The following SYT17 variants were observed in gnomAD, a reference collection of about 807,000 sequenced individuals.
SYT17 encodes the protein synaptotagmin-17.
In SYT17, 22 loss-of-function variants were observed where a neutral mutation model predicts 46.7. The ratio of observed to expected loss-of-function variants is 0.47; its 90% CI spans 0.34 to 0.67. The LOEUF (loss-of-function observed/expected upper bound fraction) is 0.67. Among genes scored for constraint, SYT17 ranks in the 30% least tolerant of loss-of-function variants. The pLI, the probability that SYT17 is intolerant of heterozygous loss-of-function variation, is 0.01. For missense variants in SYT17, 519 were observed against 612.8 expected (o/e 0.85, Z 1.62); for synonymous variants, 251 against 248.4 (o/e 1.01, Z -0.10).
intron 7 of SYT17, among the ~76,000 whole-genome samples, chr16:19,246,467 T>C (rs1191810040): frequency 1.3e-5 from 2 of 152,232 alleles, no homozygotes; most frequent in East Asian, 1.9e-4. Context: ...ACATATATTA[T>C]GTGCAACCGT....
chr16:19,237,890 G>A (rs1363257951), intron 7 of SYT17, among the ~76,000 whole-genome samples: 1 of 152,240 alleles, frequency 6.6e-6, no homozygotes, highest in Non-Finnish European at 1.5e-5. Context: ...AGCAGGGTTG[G>A]GGGACTATGA....
At chr16:19,232,058 G>A (rs967956203) in intron 7 of SYT17, among the ~76,000 whole-genome samples, 12 of 152,174 alleles carry the variant, frequency 7.9e-5, no homozygotes, top group South Asian at 6.2e-4. Context: ...GAGGTCGGCC[G>A]GGCTCCCGCC....
chr16:19,256,232 T>C (rs74011563), intron 7 of SYT17, among the ~76,000 whole-genome samples: 3,261 of 152,024 alleles, frequency 0.021, 140 homozygotes, highest in African/African-American at 0.075. Flanking sequence ...ATATAGGACA[T>C]CTTCCCTCCT....
intron 7 of SYT17, among the ~76,000 whole-genome samples, chr16:19,263,520 T>C (rs986998105): frequency 4.6e-5 from 7 of 151,226 alleles, no homozygotes; most frequent in African/African-American, 1.7e-4. Flanking sequence ...TGGGCACCTG[T>C]ACCCAGCTAC....
chr16:19,202,040 G>C (rs1965486948), intron 5 of SYT17, among the ~76,000 whole-genome samples: 1 of 152,094 alleles, frequency 6.6e-6, no homozygotes, highest in Non-Finnish European at 1.5e-5. Flanking sequence ...CCAAGTTTGT[G>C]GGGTTTTTTT....
intron 7 of SYT17, among the ~76,000 whole-genome samples, chr16:19,258,588 G>C (rs1484472212): frequency 6.6e-6 from 1 of 152,144 alleles, no homozygotes; most frequent in Non-Finnish European, 1.5e-5. Context: ...GTTGCAGTGA[G>C]CTGAGATCAT....
intron 7 of SYT17, among the ~76,000 whole-genome samples, chr16:19,259,398 A>G (rs948798874): frequency 6.6e-6 from 1 of 152,196 alleles, no homozygotes; most frequent in Non-Finnish European, 1.5e-5. Context: ...CATGATCATA[A>G]TTATAAAAAT....
rs747107874 is a variant in SYT17, at chr16:19,183,931, CG to C, written c.739del (p.Val247SerfsTer30). 1 of 1,614,230 alleles carries C rather than the reference CG, an allele frequency of 6.2e-7. No homozygotes were observed. The highest frequency in any genetic ancestry group is 1.7e-5 in the Admixed American group (1 of 60,028). ...LPDQKNSKQT[G>X]VKRKTQKPVF... ...CAGACCAGAAGAACTCAAAGCAGAC[CG>C]GGGTCAAACGCAAGACCCAGAAGCC... On this transcript the variant is annotated frameshift_variant, in exon 5 of 8. Transcript: ENST00000355377. LOFTEE classifies it high-confidence loss of function. This position sits in a 1 kb window ranked among gnomAD's most constrained non-coding sequence, Gnocchi z 5.6.
intron 1 of SYT17, chr16:19,172,464 G>T (rs570800752): frequency 1.4e-6 from 2 of 1,453,056 alleles, no homozygotes; most frequent in Admixed American, 2.9e-5. Context: ...CTATCCGCCC[G>T]CTCTGATTCA....
intron 5 of SYT17, among the ~76,000 whole-genome samples, chr16:19,219,754 C>A (rs907013135): frequency 6.6e-6 from 1 of 152,192 alleles, no homozygotes; most frequent in East Asian, 1.9e-4. Flanking sequence ...TGTGTGCTAT[C>A]CATCCCCCCC....
chr16:19,196,766 G>T (rs1415148900), intron 5 of SYT17, among the ~76,000 whole-genome samples: 1 of 152,146 alleles, frequency 6.6e-6, no homozygotes, highest in African/African-American at 2.4e-5. Context: ...ACATTAGGAT[G>T]CTCTGGGCGT....
intron 7 of SYT17, chr16:19,249,888 C>G: frequency 1.3e-6 from 2 of 1,524,716 alleles, no homozygotes; most frequent in Non-Finnish European, 8.8e-7. Flanking sequence ...GTCGTCTTGT[C>G]TTGCTCACTC....
At chr16:19,194,378 C>T (rs1039903682) in intron 5 of SYT17, among the ~76,000 whole-genome samples, 2 of 152,178 alleles carry the variant, frequency 1.3e-5, no homozygotes, top group African/African-American at 4.8e-5. Flanking sequence ...CTCCGCCTCT[C>T]ACAAATCACA....
chr16:19,227,150 C>G (rs9932447), intron 7 of SYT17, among the ~76,000 whole-genome samples: 1,614 of 152,286 alleles, frequency 0.011, 19 homozygotes, highest in Admixed American at 0.019. Flanking sequence ...ACACACGGTG[C>G]TGAGCACTGT....
At chr16:19,236,414 T>C (rs959581052) in intron 7 of SYT17, among the ~76,000 whole-genome samples, 1 of 152,192 alleles carries the variant, frequency 6.6e-6, no homozygotes, top group Non-Finnish European at 1.5e-5. Context: ...GCAATGAGTA[T>C]AGCCAACTGC....
chr16:19,241,639 A>G (rs1276959909), intron 7 of SYT17, among the ~76,000 whole-genome samples: 1 of 152,086 alleles, frequency 6.6e-6, no homozygotes, highest in African/African-American at 2.4e-5. Flanking sequence ...GCCCAGTCCC[A>G]TTGCAGTGGC....
In SYT17 at chr16:19,267,190, C is replaced by G; in HGVS notation, c.*114C>G. 1.1e-6 allele frequency: 1 copy of G among 875,018 alleles called. No individual in the cohort carries two copies. The allele number at this position is 875,018 out of a possible 1,614,324, so 54.2% of individuals were successfully genotyped here. On this transcript the variant is annotated 3_prime_UTR_variant, in exon 8 of 8. Coordinates refer to ENST00000355377, the MANE Select transcript of SYT17 (RefSeq NM_016524.4). ...CATACACACTCGCAACATGTCTACA[C>G]ACGTCCACACACACAGACACACAGA... is the stretch of plus-strand genomic sequence containing the variant.
rs149507233 is a variant in SYT17 at position 19,253,885 on chromosome 16, G to C, written c.1229-12995G>C. 2.0e-3 allele frequency among the ~76,000 whole-genome samples: 311 copies of C among 152,190 alleles called. 1 individual carries two copies. Among genetic ancestry groups the C allele is most frequent in the African/African-American group, 6.9e-3 (288 of 41,516 alleles). On this transcript the variant is annotated intron_variant, in intron 7 of 7. Coordinates refer to ENST00000355377, the MANE Select transcript of SYT17 (RefSeq NM_016524.4). The stretch of plus-strand genomic sequence containing the variant: ...TAGGATTACAGGCGCCTGCCACCAT[G>C]CCTGGCTAATTTTTTGTATTTTTAG...
chr16:19,179,980 C>A (rs1964481234), intron 3 of SYT17, among the ~76,000 whole-genome samples: 1 of 152,078 alleles, frequency 6.6e-6, no homozygotes, highest in Non-Finnish European at 1.5e-5. Context: ...GTTGAAATAC[C>A]AGGACACTTG....
Sources: allele counts gnomAD v4.1 joint callset (sites outside exome capture counted in the v4.1 genomes callset), GRCh38; gene constraint gnomAD v4.1.1; non-coding constraint Gnocchi (gnomAD v3.1); transcripts MANE v1.5; gene names NCBI Gene and HGNC (gene_info 2026-07-23, HGNC 2026-07-21).